Variants in PCDHGA1 observed in about 807,000 individuals in gnomAD.
PCDHGA1 encodes protocadherin gamma-A1.
PCDHGA1 carries 32 observed loss-of-function variants against 58.0 expected under a neutral mutation model. That is an observed-to-expected ratio of 0.55 (90% CI 0.42 to 0.74). PCDHGA1 has a LOEUF of 0.74. Among genes scored for constraint, PCDHGA1 ranks in the 30% least tolerant of loss-of-function variants. PCDHGA1 has a pLI of 0.00. For missense variants in PCDHGA1, 1,205 were observed against 1,182.3 expected (o/e 1.02, Z -0.28); for synonymous variants, 498 against 501.1 (o/e 0.99, Z 0.08).
intron 1 of PCDHGA1, chr5:141,364,964 C>T: frequency 6.2e-7 from 1 of 1,613,938 alleles, no homozygotes; most frequent in Non-Finnish European, 8.5e-7. Context: ...CGACCTCCTC[C>T]TCACAGCTTT....
rs2099705703 is a variant in PCDHGA1, at chr5:141,490,886, C to A, written c.2422-3921C>A. On this transcript the variant is annotated intron_variant, in intron 1 of 3. Transcript: ENST00000517417. This position sits in a 1 kb window ranked among gnomAD's most constrained non-coding sequence, Gnocchi z 5.4. The stretch of plus-strand genomic sequence containing the variant: ...TCTCCCCCATTGCATGCCAACACAT[C>A]TCTGCATGTGTTTGTCCTAGACGAG... The A allele has an allele frequency of 6.2e-7, 1 of 1,613,406 alleles. No homozygotes were observed. Among genetic ancestry groups the A allele is most frequent in the East Asian group, 2.2e-5 (1 of 44,878 alleles).
chr5:141,344,599 C>G (rs779646542), intron 1 of PCDHGA1: 1 of 1,613,944 alleles, frequency 6.2e-7, no homozygotes, highest in Non-Finnish European at 8.5e-7. Flanking sequence ...TCTGAGGGGG[C>G]CAAGTATCCA....
At chr5:141,414,174 A>C in intron 1 of PCDHGA1, 1 of 1,607,520 alleles carries the variant, frequency 6.2e-7, no homozygotes, top group Non-Finnish European at 8.5e-7. Context: ...CATATCTTGC[A>C]ACTGCAAAAG....
At chr5:141,374,286 C>G (rs778269128) in intron 1 of PCDHGA1, 1 of 1,613,980 alleles carries the variant, frequency 6.2e-7, no homozygotes, top group East Asian at 2.2e-5. Flanking sequence ...CGCATCGTCT[C>G]CAGAGGTAGG....
At chr5:141,351,094 C>G (rs753597270) in intron 1 of PCDHGA1, 1 of 1,614,060 alleles carries the variant, frequency 6.2e-7, no homozygotes, top group East Asian at 2.2e-5. Context: ...CCTATGCCTT[C>G]CTCAATTCCC....
chr5:141,411,859 C>CA (rs553337516), intron 1 of PCDHGA1: 8,585 of 145,752 alleles, frequency 0.059, 330 homozygotes, highest in Non-Finnish European at 0.088. Context: ...GACCCTGTCT[C>CA]AAAAAAAAAA....
chr5:141,414,644 A>C lies in PCDHGA1; in HGVS notation c.2422-80163A>C, dbSNP rs1310121141. 6.2e-7 allele frequency: 1 copy of C among 1,613,982 alleles called. No individual in the cohort carries two copies. Among genetic ancestry groups the C allele is most frequent in the Non-Finnish European group, 8.5e-7 (1 of 1,179,894 alleles). ...GACCCGGACAGCAAAGAGAATGCCC[A>C]GATTATTTACTCCCTGGCTGAAGAC... On this transcript the variant is annotated intron_variant, in intron 1 of 3. Transcript: ENST00000517417.
chr5:141,435,934 T>A (rs1311888999), intron 1 of PCDHGA1, among the ~76,000 whole-genome samples: 2 of 152,160 alleles, frequency 1.3e-5, no homozygotes, highest in Non-Finnish European at 2.9e-5. Flanking sequence ...CAGTTGCTGC[T>A]TCTGAGACCA....
intron 1 of PCDHGA1, among the ~76,000 whole-genome samples, chr5:141,464,648 G>A (rs776411908): frequency 6.6e-6 from 1 of 152,020 alleles, no homozygotes; most frequent in African/African-American, 2.4e-5. Flanking sequence ...AACCTGATGG[G>A]TAAAAAGATA....
rs747671382 is a variant in PCDHGA1 at position 141,444,152 on chromosome 5, ATTTTTTTTTTTTTTTTTTTT to A, written c.2422-50638_2422-50619del. ...GATATGTGTCACTTGTGTGTACTGG[ATTTTTTTTTTTTTTTTTTTT>A]TTTTTTTTTTTTTTTTGAGATGGAG... On this transcript the variant is annotated intron_variant, in intron 1 of 3. Transcript: ENST00000517417. 2.4e-4 allele frequency among the ~76,000 whole-genome samples: 8 copies of A among 33,898 alleles called. No homozygotes were observed. In the East Asian group the frequency reaches 3.0e-3, roughly 13 times the overall value. 22.2% of individuals were successfully genotyped at this position (33,898 alleles called of 152,430 possible). A position where few individuals can be genotyped will look rare whatever the true frequency, so the allele number is the denominator to read the frequency against.
intron 3 of PCDHGA1, among the ~76,000 whole-genome samples, chr5:141,507,861 C>T (rs538942097): frequency 7.0e-4 from 106 of 152,306 alleles, no homozygotes; most frequent in African/African-American, 2.5e-3. Flanking sequence ...CTTTCACACC[C>T]GCTTCCTAGC....
In PCDHGA1 at chr5:141,432,460, C is replaced by T; in HGVS notation, c.2422-62347C>T. The T allele has an allele frequency of 6.2e-7, 1 of 1,614,208 alleles. No homozygotes were observed. The highest frequency in any genetic ancestry group is 8.5e-7 in the Non-Finnish European group (1 of 1,180,044). On this transcript the variant is annotated intron_variant, in intron 1 of 3. Transcript: ENST00000517417. This position sits in a 1 kb window ranked among gnomAD's most constrained non-coding sequence, Gnocchi z 6.0. ...CGCCCGAGATCCTGTACCCCGCCCTCCCCACGGACGGTTCCACTGGCGTGG... is the reference window on the plus strand; with the variant it reads ...CGCCCGAGATCCTGTACCCCGCCCTTCCCACGGACGGTTCCACTGGCGTGG...
rs181597586 is a variant in PCDHGA1, at chr5:141,345,479, C to T, written c.2421+12374C>T. On this transcript the variant is annotated intron_variant, in intron 1 of 3. Coordinates refer to ENST00000517417, the MANE Select transcript of PCDHGA1 (RefSeq NM_018912.3). The stretch of plus-strand genomic sequence containing the variant: ...TGACAGCCCAGGACCCAGATAGCAA[C>T]AACAACGCCCGCATCACTTATGCAT... The T allele has an allele frequency of 4.9e-5, 79 of 1,614,150 alleles. No homozygotes were observed. The Admixed American group carries it at 1.3e-3, about 26-fold the overall frequency.
chr5:141,356,705 C>T (rs765106092), intron 1 of PCDHGA1: 1 of 1,614,020 alleles, frequency 6.2e-7, no homozygotes, highest in Non-Finnish European at 8.5e-7. Context: ...GCACCTCTGT[C>T]CTCCTATGTC....
Position 141,490,721 on chromosome 5 carries a change from T to C in PCDHGA1, c.2422-4086T>C, listed in dbSNP as rs779242781. On this transcript the variant is annotated intron_variant, in intron 1 of 3. Coordinates refer to ENST00000517417, the MANE Select transcript of PCDHGA1 (RefSeq NM_018912.3). This position sits in a 1 kb window ranked among gnomAD's most constrained non-coding sequence, Gnocchi z 5.4. The stretch of plus-strand genomic sequence containing the variant: ...AATGCCCGCCTCACCTACTCCATTG[T>C]AGGAAATCAGGTTCAGGGAGCCCCA... 23 of 1,614,056 alleles carry C rather than the reference T, an allele frequency of 1.4e-5. No individual in the cohort carries two copies. The highest frequency in any genetic ancestry group is 6.6e-5 in the South Asian group (6 of 91,080).
At chr5:141,360,528 G>A (rs1473510639) in intron 1 of PCDHGA1, 7 of 1,613,850 alleles carry the variant, frequency 4.3e-6, no homozygotes, top group Admixed American at 1.7e-5. Flanking sequence ...ATAATACCCC[G>A]CTATTCAAAC....
intron 1 of PCDHGA1, among the ~76,000 whole-genome samples, chr5:141,402,461 C>T (rs892900332): frequency 6.6e-6 from 1 of 151,994 alleles, no homozygotes; most frequent in Non-Finnish European, 1.5e-5. Context: ...GTTTACATAT[C>T]TAGAAATAGA....
intron 1 of PCDHGA1, chr5:141,362,418 C>T (rs187134440): frequency 2.5e-6 from 4 of 1,614,026 alleles, no homozygotes; most frequent in African/African-American, 2.7e-5. Context: ...CACAATCAGC[C>T]AAGACAGAGT....
intron 1 of PCDHGA1, chr5:141,341,608 C>T: frequency 1.0e-6 from 1 of 965,244 alleles, no homozygotes; most frequent in Non-Finnish European, 1.5e-6. Context: ...TGAATGTAAA[C>T]CAGGAGTTAA....
Sources: allele counts gnomAD v4.1 joint callset (sites outside exome capture counted in the v4.1 genomes callset), GRCh38; gene constraint gnomAD v4.1.1; non-coding constraint Gnocchi (gnomAD v3.1); transcripts MANE v1.5; gene names NCBI Gene and HGNC (gene_info 2026-07-23, HGNC 2026-07-21).